DPH6: variants seen among roughly 807,000 people sequenced by gnomAD.
DPH6 encodes the protein diphthamine biosynthesis 6, also known as diphthine--ammonia ligase.
A neutral mutation model predicts 38.2 loss-of-function variants in DPH6; 33 were observed. The observed-to-expected ratio is 0.86, with a 90% confidence interval of 0.65 to 1.15. DPH6 has a LOEUF of 1.15. DPH6 is among the 50% of genes most tolerant of loss of function. The pLI is 0.00. For missense variants in DPH6, 325 were observed against 320.0 expected (o/e 1.02, Z -0.12); for synonymous variants, 108 against 103.0 (o/e 1.05, Z -0.30).
chr15:35,286,991 C>T (rs555478757), intron 3 of DPH6, among the ~76,000 whole-genome samples: 143 of 151,936 alleles, frequency 9.4e-4, no homozygotes, highest in Non-Finnish European at 1.7e-3. Context: ...TTTTTTGACG[C>T]AGTAGTATAC....
At chr15:35,313,759 G>A (rs1455109006) in intron 3 of DPH6, among the ~76,000 whole-genome samples, 2 of 152,072 alleles carry the variant, frequency 1.3e-5, no homozygotes, top group Admixed American at 6.6e-5. Flanking sequence ...ATCATGTTGT[G>A]TGTGCACAGG....
chr15:35,410,945 T>G, intron 5 of DPH6, 49 bp from the exon 6 acceptor site: 2 of 1,543,968 alleles, frequency 1.3e-6, no homozygotes, highest in East Asian at 4.6e-5. Flanking sequence ...GATAGGAACT[T>G]TAAAGACACA....
chr15:35,380,591 A>G (rs1394683519), intron 7 of DPH6, among the ~76,000 whole-genome samples: 1 of 152,100 alleles, frequency 6.6e-6, no homozygotes, highest in Non-Finnish European at 1.5e-5. Context: ...AAGTAAATAT[A>G]TCCTAAATTT....
At chr15:35,215,042 G>A (rs1323907538), downstream of DPH6, among the ~76,000 whole-genome samples, 1 of 152,232 alleles carries the variant, frequency 6.6e-6, no homozygotes, top group Non-Finnish European at 1.5e-5. Context: ...AATTGAGTAT[G>A]TGAATTATCA....
At chr15:35,545,720 G>A (rs1285150806) in intron 1 of DPH6, among the ~76,000 whole-genome samples, 1 of 151,610 alleles carries the variant, frequency 6.6e-6, no homozygotes, top group African/African-American at 2.4e-5. Context: ...TAACTGAGTT[G>A]ATGGAATAAG....
intron 3 of DPH6, among the ~76,000 whole-genome samples, chr15:35,346,798 T>C (rs1018010984): frequency 6.6e-6 from 1 of 152,126 alleles, no homozygotes; most frequent in East Asian, 1.9e-4. Context: ...AATTTTGATA[T>C]GTGAATTTTT....
chr15:35,229,479 A>G (rs2051503038), intron 3 of DPH6, among the ~76,000 whole-genome samples: 1 of 152,100 alleles, frequency 6.6e-6, no homozygotes, highest in African/African-American at 2.4e-5. Context: ...AGTTTCCTAA[A>G]AACAGCTATT....
downstream of DPH6, among the ~76,000 whole-genome samples, chr15:35,328,011 C>A (rs2052298743): frequency 1.3e-5 from 2 of 152,150 alleles, no homozygotes; most frequent in Admixed American, 1.3e-4. Context: ...TATTTAAACT[C>A]CTCTACAACG....
intron 3 of DPH6, among the ~76,000 whole-genome samples, chr15:35,503,452 T>C (rs939721363): frequency 6.6e-6 from 1 of 152,016 alleles, no homozygotes; most frequent in Non-Finnish European, 1.5e-5. Flanking sequence ...CTTCATTACT[T>C]CCCTCACCTC....
intron 3 of DPH6, among the ~76,000 whole-genome samples, chr15:35,516,411 C>T (rs567743326): frequency 7.9e-5 from 12 of 152,218 alleles, no homozygotes; most frequent in African/African-American, 2.6e-4. Context: ...TGGATTATCC[C>T]ATTAAATGCT....
intron 3 of DPH6, among the ~76,000 whole-genome samples, chr15:35,311,666 T>C (rs1468387156): frequency 6.6e-6 from 1 of 152,238 alleles, no homozygotes; most frequent in Admixed American, 6.5e-5. Flanking sequence ...AAATGTTCTC[T>C]TGTTTTGACT....
At chr15:35,245,855 AG>A (rs907763004) in intron 3 of DPH6, among the ~76,000 whole-genome samples, 3 of 152,240 alleles carry the variant, frequency 2.0e-5, no homozygotes, top group Admixed American at 2.0e-4. Flanking sequence ...AATATAATAC[AG>A]GATGTTCTCA....
chr15:35,452,404 A>C (rs1209754250), intron 4 of DPH6, among the ~76,000 whole-genome samples: 1 of 152,122 alleles, frequency 6.6e-6, no homozygotes, highest in African/African-American at 2.4e-5. Context: ...TCTAAAACCC[A>C]GTGTCTATAA....
intron 6 of DPH6, among the ~76,000 whole-genome samples, chr15:35,399,072 CATA>C (rs932854397): frequency 6.6e-6 from 1 of 152,044 alleles, no homozygotes; most frequent in African/African-American, 2.4e-5. Flanking sequence ...TAAATATTAG[CATA>C]ATAACACAGA....
At chr15:35,333,540 C>T (rs1380715505) in intron 3 of DPH6, among the ~76,000 whole-genome samples, 1 of 152,106 alleles carries the variant, frequency 6.6e-6, no homozygotes, top group Non-Finnish European at 1.5e-5. Context: ...TTAGTTAATA[C>T]ATAAATTAAT....
At chr15:35,255,507 GT>G (rs918771804) in intron 3 of DPH6, among the ~76,000 whole-genome samples, 2 of 151,074 alleles carry the variant, frequency 1.3e-5, no homozygotes, top group East Asian at 1.9e-4. Flanking sequence ...AACACAGAGG[GT>G]TTTTTTTTCT....
At chr15:35,333,373 G>A (rs537352230) in intron 3 of DPH6, among the ~76,000 whole-genome samples, 160 of 152,052 alleles carry the variant, frequency 1.1e-3, no homozygotes, top group Non-Finnish European at 2.0e-3. Flanking sequence ...TCAAAGAAAA[G>A]GGAAAAATAT....
intron 3 of DPH6, among the ~76,000 whole-genome samples, chr15:35,289,265 A>G (rs1284643186): frequency 6.6e-6 from 1 of 152,192 alleles, no homozygotes; most frequent in African/African-American, 2.4e-5. Flanking sequence ...GTGCTATTCC[A>G]TGGCCACATT....
chr15:35,525,286 C>G (rs921478828), intron 3 of DPH6, among the ~76,000 whole-genome samples: 4 of 152,114 alleles, frequency 2.6e-5, no homozygotes, highest in Admixed American at 2.6e-4. Context: ...CTATTTAGAA[C>G]AAGCCATGTC....
Sources: gnomAD v4.1 joint callset for allele counts (sites outside exome capture counted in the v4.1 genomes callset) on GRCh38, gnomAD v4.1.1 for gene constraint, MANE v1.5 for transcripts, NCBI Gene and HGNC (gene_info 2026-07-23, HGNC 2026-07-21) for gene names.